Variants in IGSF21 observed in about 807,000 individuals in gnomAD.
IGSF21 encodes the protein immunoglobin superfamily member 21, also known as immunoglobulin superfamily member 21.
IGSF21 carries 28 observed loss-of-function variants against 46.8 expected under a neutral mutation model. The ratio of observed to expected loss-of-function variants is 0.60; its 90% CI spans 0.44 to 0.82. The LOEUF is 0.82. IGSF21 is among the 40% of genes least tolerant of loss of function. The pLI, the probability that IGSF21 is intolerant of heterozygous loss-of-function variation, is 0.00. For missense variants in IGSF21, 624 were observed against 665.5 expected (o/e 0.94, Z 0.69); for synonymous variants, 284 against 273.6 (o/e 1.04, Z -0.38).
intron 1 of IGSF21, among the ~76,000 whole-genome samples, chr1:18,178,284 C>T (rs1279933584): frequency 6.6e-6 from 1 of 152,152 alleles, no homozygotes; most frequent in Non-Finnish European, 1.5e-5. Flanking sequence ...TACAATTAAG[C>T]TGTATGTTCT....
intron 2 of IGSF21, among the ~76,000 whole-genome samples, chr1:18,288,700 C>T (rs1472133506): frequency 6.6e-6 from 1 of 152,182 alleles, no homozygotes; most frequent in East Asian, 1.9e-4. Flanking sequence ...AGCCCGCTGG[C>T]CCCACCTGAG....
intron 3 of IGSF21, among the ~76,000 whole-genome samples, chr1:18,299,752 GA>G (rs1457184760): frequency 2.0e-5 from 3 of 152,158 alleles, no homozygotes. Flanking sequence ...AGAGAGAGTG[GA>G]ATTGTTTATT....
Position 18,362,164 on chromosome 1 carries a change from C to T in IGSF21, c.474C>T (p.Phe158=), listed in dbSNP as rs151071673. 81 of 1,613,170 alleles carry T rather than the reference C, an allele frequency of 5.0e-5. No individual in the cohort carries two copies. The African/African-American group carries it at 1.0e-3, about 20-fold the overall frequency. The part of the protein sequence containing the change: ...EVVAADTPAP[F]SRYQAQNFTL... ...TGGCTGCTGACACACCAGCCCCCTT[C>T]AGCCGCTACCAAGCCCAGAACTTCA... Residue 158 remains phenylalanine, a synonymous_variant, in exon 5 of 10, where the codon TTC becomes TTT. Coordinates refer to ENST00000251296, the MANE Select transcript of IGSF21 (RefSeq NM_032880.5).
At chr1:18,115,842 G>GAAGGAAGGAAGA (rs1326188397) in intron 1 of IGSF21, 32 of 87,824 alleles carry the variant, frequency 3.6e-4, no homozygotes, top group Middle Eastern at 6.0e-3. Context: ...AGGAAGGAAG[G>GAAGGAAGGAAGA]AAGAAAGAAA....
rs745833551 is a variant in IGSF21 at position 18,378,375 on chromosome 1, GTTT to G, written c.*51_*53del. 1 of 1,447,228 alleles carries G rather than the reference GTTT, an allele frequency of 6.9e-7. No individual in the cohort carries two copies. Among genetic ancestry groups the G allele is most frequent in the East Asian group, 2.3e-5 (1 of 43,422 alleles). The allele number at this position is 1,447,228 out of a possible 1,614,324, so 89.6% of individuals were successfully genotyped here. Reference sequence around the variant, plus strand: ...TCAGGCACTGACATCTCCACGACCGGTTTTCATTTCTTTTCTAAACTATTTCCA... The same window carrying G: ...TCAGGCACTGACATCTCCACGACCGGTCATTTCTTTTCTAAACTATTTCCA... On this transcript the variant is annotated 3_prime_UTR_variant, in exon 10 of 10. Coordinates refer to ENST00000251296, the MANE Select transcript of IGSF21 (RefSeq NM_032880.5).
chr1:18,151,269 A>T (rs928609157), intron 1 of IGSF21, among the ~76,000 whole-genome samples: 1 of 152,214 alleles, frequency 6.6e-6, no homozygotes, highest in African/African-American at 2.4e-5. Context: ...ACAGCACAGT[A>T]AAAGTGTATT....
chr1:18,139,677 A>G (rs1178895608), intron 1 of IGSF21, among the ~76,000 whole-genome samples: 1 of 152,208 alleles, frequency 6.6e-6, no homozygotes, highest in Non-Finnish European at 1.5e-5. Context: ...AGGCCTCATT[A>G]TCTGGATGCC....
chr1:18,378,138 G>A (rs1001489365), intron 9 of IGSF21, 118 bp from the exon 10 acceptor site: 42 of 787,364 alleles, frequency 5.3e-5, no homozygotes, highest in Middle Eastern at 2.8e-4. Flanking sequence ...GCTGGGCTTC[G>A]AACCCAGTTT....
intron 6 of IGSF21, among the ~76,000 whole-genome samples, chr1:18,366,557 A>G (rs1429948590): frequency 1.3e-5 from 2 of 152,174 alleles, no homozygotes; most frequent in Non-Finnish European, 2.9e-5. Flanking sequence ...AAGGGTTGCA[A>G]ACCTGGGAGG....
Position 18,315,821 on chromosome 1 carries a change from G to GGATGTCTA in IGSF21, c.306-19067_306-19066insTCTAGATG, listed in dbSNP as rs1553162995. Among the ~76,000 whole-genome samples, 343 of 150,146 alleles carry GGATGTCTA rather than the reference G, an allele frequency of 2.3e-3. 1 individual carries two copies. Among genetic ancestry groups the GGATGTCTA allele is most frequent in the African/African-American group, 8.2e-3 (333 of 40,792 alleles). ...GGATGGATGGGTGGTGGATAGGTGTGGATGGCTAGATAGGTAGATGGGGGG... is the reference window on the plus strand; with the variant it reads ...GGATGGATGGGTGGTGGATAGGTGTGGATGTCTAGATGGCTAGATAGGTAGATGGGGGG... On this transcript the variant is annotated intron_variant, in intron 3 of 9. Coordinates refer to ENST00000251296, the MANE Select transcript of IGSF21 (RefSeq NM_032880.5).
At chr1:18,198,164 A>AATCTGTCT (rs1445595524) in intron 1 of IGSF21, among the ~76,000 whole-genome samples, 1 of 152,230 alleles carries the variant, frequency 6.6e-6, no homozygotes, top group African/African-American at 2.4e-5. Flanking sequence ...TACACAGTAT[A>AATCTGTCT]ATCTGTCTCG....
At chr1:18,176,840 GC>G (rs1331810985) in intron 1 of IGSF21, among the ~76,000 whole-genome samples, 1 of 152,230 alleles carries the variant, frequency 6.6e-6, no homozygotes, top group Non-Finnish European at 1.5e-5. Flanking sequence ...GGCTTTGGGG[GC>G]TACCCTGGGG....
rs1455934545 is a variant in IGSF21, at chr1:18,365,961, A to G, written c.1015+264A>G. Among the ~76,000 whole-genome samples, 2 of 152,130 alleles carry G rather than the reference A, an allele frequency of 1.3e-5. No homozygotes were observed. Among genetic ancestry groups the G allele is most frequent in the Non-Finnish European group, 2.9e-5 (2 of 68,028 alleles). On this transcript the variant is annotated intron_variant, in intron 6 of 9. Coordinates refer to ENST00000251296, the MANE Select transcript of IGSF21 (RefSeq NM_032880.5). The surrounding 1 kb of genome is among the most constrained non-coding windows in gnomAD (Gnocchi z 4.8). ...GAGAGGTCAGAAGAGTTTGCTGGAT[A>G]GGGTCAGGGACACAGGAGATCAGGG... is the stretch of plus-strand genomic sequence containing the variant.
At chr1:18,272,765 T>A (rs2085055186) in intron 2 of IGSF21, among the ~76,000 whole-genome samples, 1 of 152,210 alleles carries the variant, frequency 6.6e-6, no homozygotes, top group African/African-American at 2.4e-5. Context: ...TCTTGCCCAC[T>A]GGACAAAAGA....
In IGSF21 at chr1:18,250,331, T is replaced by C. The variant is rs147271837; in HGVS notation, c.183+22321T>C. ...GGAACCCCTGAGGCCAAGGGCTGAATGAAGAGAAATTACTAAAGACAGAGT... is the reference window on the plus strand; with the variant it reads ...GGAACCCCTGAGGCCAAGGGCTGAACGAAGAGAAATTACTAAAGACAGAGT... On this transcript the variant is annotated intron_variant, in intron 2 of 9. Coordinates refer to ENST00000251296, the MANE Select transcript of IGSF21 (RefSeq NM_032880.5). Among the ~76,000 whole-genome samples the C allele has an allele frequency of 6.9e-4, 105 of 151,936 alleles. 2 individuals are homozygous for C. Among genetic ancestry groups the C allele is most frequent in the African/African-American group, 2.4e-3 (101 of 41,418 alleles).
chr1:18,321,928 C>T (rs549718964), intron 3 of IGSF21, among the ~76,000 whole-genome samples: 2 of 152,204 alleles, frequency 1.3e-5, no homozygotes, highest in African/African-American at 2.4e-5. Flanking sequence ...CTGTGAGGGC[C>T]GGGTGACAAT....
At chr1:18,143,796 C>T (rs1211000335) in intron 1 of IGSF21, among the ~76,000 whole-genome samples, 2 of 152,226 alleles carry the variant, frequency 1.3e-5, no homozygotes, top group South Asian at 2.1e-4. Context: ...CTTCTCTGGG[C>T]GAGGTCTTGT....
intron 1 of IGSF21, among the ~76,000 whole-genome samples, chr1:18,195,594 CCT>C (rs1385861095): frequency 1.3e-5 from 2 of 152,204 alleles, no homozygotes; most frequent in African/African-American, 4.8e-5. Flanking sequence ...GTTGTCTGTG[CCT>C]CTCTGGAATG....
chr1:18,143,572 G>C (rs1570263878), intron 1 of IGSF21, among the ~76,000 whole-genome samples: 1 of 152,174 alleles, frequency 6.6e-6, no homozygotes, highest in Non-Finnish European at 1.5e-5. Context: ...CCTTGTGGGG[G>C]TGGATGAAGT....
Sources: allele counts gnomAD v4.1 joint callset (sites outside exome capture counted in the v4.1 genomes callset), GRCh38; gene constraint gnomAD v4.1.1; non-coding constraint Gnocchi (gnomAD v3.1); transcripts MANE v1.5; gene names NCBI Gene and HGNC (gene_info 2026-07-23, HGNC 2026-07-21).